BCAS3: variants seen among roughly 807,000 people sequenced by gnomAD.
The protein encoded by BCAS3 is BCAS4/BCAS3 fusion.
Under a neutral mutation model 116.1 loss-of-function variants are expected in BCAS3, and 53 were observed. The ratio of observed to expected loss-of-function variants is 0.46; its 90% confidence interval spans 0.37 to 0.57. BCAS3 has a LOEUF of 0.57. BCAS3 is among the 20% of genes least tolerant of loss of function. The pLI, the probability that BCAS3 is intolerant of heterozygous loss-of-function variation, is 0.00. For synonymous variants in BCAS3, 391 were observed against 408.2 expected (o/e 0.96, Z 0.51); for missense variants, 917 against 1,165.4 (o/e 0.79, Z 3.10).
chr17:61,225,817 T>C (rs1297154508), intron 22 of BCAS3, among the ~76,000 whole-genome samples: 2 of 152,318 alleles, frequency 1.3e-5, no homozygotes, highest in African/African-American at 4.8e-5. Flanking sequence ...CTACCTAAAA[T>C]CTTAGTGATG....
chr17:61,345,330 T>C (rs1443175268), intron 22 of BCAS3, among the ~76,000 whole-genome samples: 1 of 152,124 alleles, frequency 6.6e-6, no homozygotes, highest in Non-Finnish European at 1.5e-5. Flanking sequence ...TGGGTCACTT[T>C]TAGGATGTGT....
In BCAS3 at chr17:61,387,789, GA is replaced by G. The variant is rs2143667635; in HGVS notation, c.2594-4186del. ...TTGGGGGATGGGGGTGGGAGGTGAA[GA>G]ACCAGAGCTAGTGGTTGCTTCGTCT... On this transcript the variant is annotated intron_variant, in intron 23 of 23. Transcript: ENST00000407086. This position sits in a 1 kb window ranked among gnomAD's most constrained non-coding sequence, Gnocchi z 6.2. Among the ~76,000 whole-genome samples the G allele has an allele frequency of 6.6e-6, 1 of 152,292 alleles. No homozygotes were observed. The highest frequency in any genetic ancestry group is 2.1e-4 in the South Asian group (1 of 4,832).
intron 22 of BCAS3, among the ~76,000 whole-genome samples, chr17:61,247,562 C>G (rs962486132): frequency 2.6e-5 from 4 of 152,132 alleles, no homozygotes; most frequent in African/African-American, 9.7e-5. Flanking sequence ...CCATGAAATT[C>G]TCCAAAGTAA....
intron 15 of BCAS3, chr17:61,002,730 A>G (rs994511729): frequency 1.3e-5 from 2 of 152,068 alleles, no homozygotes; most frequent in Non-Finnish European, 2.9e-5. Flanking sequence ...TCATTTGAGT[A>G]TGTGGGGTCA....
At chr17:61,153,735 G>A (rs1601607875) in intron 22 of BCAS3, among the ~76,000 whole-genome samples, 3 of 150,642 alleles carry the variant, frequency 2.0e-5, no homozygotes, top group African/African-American at 4.9e-5. Context: ...TTGTTTTTTC[G>A]TTTGTTTGGC....
chr17:61,040,923 G>A (rs771024097), intron 19 of BCAS3, 31 bp downstream of exon 19: 17 of 1,544,666 alleles, frequency 1.1e-5, no homozygotes, highest in East Asian at 6.7e-5. Flanking sequence ...TTTTCCTTTC[G>A]TATGGTCTAT....
chr17:61,355,596 A>T lies in BCAS3; in HGVS notation c.2426-12731A>T, dbSNP rs745668556. ...CCTTGTCATCTTAAGCAACAATCTT[A>T]CTTCTCTCTGCCACAGTTCCTTGAA... On this transcript the variant is annotated intron_variant, in intron 22 of 23. Transcript: ENST00000407086. The surrounding 1 kb of genome is among the most constrained non-coding windows in gnomAD (Gnocchi z 4.2). Among the ~76,000 whole-genome samples the T allele has an allele frequency of 5.9e-5, 9 of 152,206 alleles. No individual in the cohort carries two copies. The highest frequency in any genetic ancestry group is 8.8e-5 in the Non-Finnish European group (6 of 68,032).
chr17:60,880,580 G>C (rs924535375), intron 9 of BCAS3, among the ~76,000 whole-genome samples: 2 of 151,966 alleles, frequency 1.3e-5, no homozygotes, highest in African/African-American at 2.4e-5. Flanking sequence ...GAGCCACCGC[G>C]CCTAGCCATA....
At chr17:60,742,376 C>T (rs990692674) in intron 5 of BCAS3, among the ~76,000 whole-genome samples, 1 of 149,696 alleles carries the variant, frequency 6.7e-6, no homozygotes, top group Non-Finnish European at 1.5e-5. Context: ...ACACAGAACA[C>T]AAAGTAATCT....
chr17:60,940,580 C>A (rs1031009795), intron 13 of BCAS3, among the ~76,000 whole-genome samples: 1 of 152,140 alleles, frequency 6.6e-6, no homozygotes, highest in African/African-American at 2.4e-5. Flanking sequence ...TGTTTCTTTG[C>A]TTTTGTGTTT....
At chr17:60,729,840 A>G (rs915902369) in intron 5 of BCAS3, among the ~76,000 whole-genome samples, 5 of 152,154 alleles carry the variant, frequency 3.3e-5, no homozygotes, top group African/African-American at 1.2e-4. Flanking sequence ...TCCAGTTTGT[A>G]TGTCTGAGTG....
chr17:61,331,613 T>A (rs1408397050), intron 22 of BCAS3, among the ~76,000 whole-genome samples: 1 of 152,142 alleles, frequency 6.6e-6, no homozygotes, highest in Non-Finnish European at 1.5e-5. Flanking sequence ...GACAACAGGG[T>A]GAGACCCCAT....
chr17:61,261,597 A>G lies in BCAS3; in HGVS notation c.2426-106730A>G, dbSNP rs1439479727. 2.0e-5 allele frequency among the ~76,000 whole-genome samples: 3 copies of G among 152,344 alleles called. No homozygotes were observed. The highest frequency in any genetic ancestry group is 4.4e-5 in the Non-Finnish European group (3 of 68,030). ...TTTCCCCCTAGTTTCAAAAGCTAAA[A>G]TGGTAAATCATGTGGTGTTTGATGT... On this transcript the variant is annotated intron_variant, in intron 22 of 23. Coordinates refer to ENST00000407086, the MANE Select transcript of BCAS3 (RefSeq NM_017679.5). The surrounding 1 kb of genome is among the most constrained non-coding windows in gnomAD (Gnocchi z 4.4).
At chr17:61,266,083 C>A (rs560010255) in intron 22 of BCAS3, among the ~76,000 whole-genome samples, 2 of 152,274 alleles carry the variant, frequency 1.3e-5, no homozygotes, top group Non-Finnish European at 2.9e-5. Context: ...GAAGCCTGTC[C>A]TCACGTTCAT....
At chr17:60,793,704 C>T (rs1300735343) in intron 6 of BCAS3, among the ~76,000 whole-genome samples, 1 of 152,192 alleles carries the variant, frequency 6.6e-6, no homozygotes, top group Non-Finnish European at 1.5e-5. Flanking sequence ...TCTCCAATCT[C>T]ATCCAGGTCA....
intron 13 of BCAS3, among the ~76,000 whole-genome samples, chr17:60,927,229 TTTTC>T (rs1227025357): frequency 9.2e-5 from 14 of 151,786 alleles, no homozygotes; most frequent in Middle Eastern, 3.4e-3. Flanking sequence ...TTATTTATTT[TTTTC>T]TTTCTTTCTT....
chr17:60,863,902 G>C (rs1442443412), intron 7 of BCAS3, among the ~76,000 whole-genome samples: 2 of 152,114 alleles, frequency 1.3e-5, no homozygotes, highest in Admixed American at 6.5e-5. Context: ...TAATCTTTTT[G>C]CTGATGGAGA....
intron 13 of BCAS3, 123 bp from the exon 14 acceptor site, chr17:60,947,096 T>G: frequency 2.1e-6 from 2 of 971,482 alleles, no homozygotes; most frequent in South Asian, 3.5e-5. Flanking sequence ...TTGTAAAGTT[T>G]CTTATAGCCT....
intron 22 of BCAS3, among the ~76,000 whole-genome samples, chr17:61,120,970 C>T (rs2075760097): frequency 6.6e-6 from 1 of 151,598 alleles, no homozygotes; most frequent in Non-Finnish European, 1.5e-5. Flanking sequence ...ATAGCATTTC[C>T]CACAGACTGA....
Sources: allele counts gnomAD v4.1 joint callset (sites outside exome capture counted in the v4.1 genomes callset), GRCh38; gene constraint gnomAD v4.1.1; non-coding constraint Gnocchi (gnomAD v3.1); transcripts MANE v1.5; gene names NCBI Gene and HGNC (gene_info 2026-07-23, HGNC 2026-07-21).